The following CFH variants were observed in gnomAD, a reference collection of about 807,000 sequenced individuals.
CFH encodes the protein H factor 1 (complement).
A neutral mutation model predicts 147.3 loss-of-function variants in CFH; 53 were observed. The ratio of observed to expected loss-of-function variants is 0.36; its 90% CI spans 0.29 to 0.45. The LOEUF (loss-of-function observed/expected upper bound fraction) is 0.45, where lower values mean the gene tolerates loss of function less well. Ranked by LOEUF, CFH falls within the 20% of genes least tolerant of loss-of-function variation. The probability of loss-of-function intolerance (pLI) is 1.00; values close to 1 mark genes in which losing one functional copy is unlikely to be tolerated. For missense variants in CFH, 1,380 were observed against 1,498.0 expected (o/e 0.92, Z 1.30); for synonymous variants, 536 against 489.4 (o/e 1.10, Z -1.26).
intron 9 of CFH, among the ~76,000 whole-genome samples, chr1:196,712,418 A>G (rs1043426580): frequency 2.6e-5 from 4 of 151,406 alleles, no homozygotes; most frequent in Non-Finnish European, 5.9e-5. Flanking sequence ...TAGCTATATA[A>G]TGATAAATTT....
intron 6 of CFH, among the ~76,000 whole-genome samples, chr1:196,683,873 G>C (rs1201373803): frequency 6.6e-6 from 1 of 151,692 alleles, no homozygotes; most frequent in Non-Finnish European, 1.5e-5. Context: ...AGAAAAGAGA[G>C]GAGACTATGG....
At chr1:196,703,291 C>G (rs1032752377) in intron 9 of CFH, among the ~76,000 whole-genome samples, 1 of 152,148 alleles carries the variant, frequency 6.6e-6, no homozygotes, top group African/African-American at 2.4e-5. Context: ...CAGGTCCCAA[C>G]CAGTGTGCTT....
Position 196,728,610 on chromosome 1 carries a change from T to C in CFH, c.2413+88T>C, listed in dbSNP as rs552029607. On this transcript the variant is annotated intron_variant, in intron 15 of 21. Transcript: ENST00000367429. ...GTGTGTCTTTTAAAAACTTTAGCTA[T>C]TTATTATTACAAATGCTACTGAATA... The C allele has an allele frequency of 2.3e-6, 3 of 1,303,476 alleles. No homozygotes were observed. The African/African-American group carries it at 4.4e-5, about 19-fold the overall frequency. 80.7% of individuals were successfully genotyped at this position (1,303,476 alleles called of 1,614,324 possible). A position where few individuals can be genotyped will look rare whatever the true frequency, so the allele number is the denominator to read the frequency against.
At chr1:196,688,758 G>T (rs748554021) in intron 7 of CFH, among the ~76,000 whole-genome samples, 3 of 151,874 alleles carry the variant, frequency 2.0e-5, no homozygotes, top group Non-Finnish European at 4.4e-5. Flanking sequence ...TTACAGGGGC[G>T]CACCACCAGG....
chr1:196,692,347 T>A (rs1229864470), intron 9 of CFH: 5 of 752,308 alleles, frequency 6.6e-6, no homozygotes, highest in Non-Finnish European at 8.1e-6. Flanking sequence ...TGTCAGATGA[T>A]CCCATTACTT....
chr1:196,663,037 C>A (rs977365995), intron 1 of CFH, among the ~76,000 whole-genome samples: 2 of 152,080 alleles, frequency 1.3e-5, no homozygotes, highest in Admixed American at 6.5e-5. Flanking sequence ...TAAATCTAAC[C>A]ATTACTGCTT....
At chr1:196,664,345 AGCCACCATGGCTG>A (rs2149071824) in intron 1 of CFH, among the ~76,000 whole-genome samples, 1 of 152,294 alleles carries the variant, frequency 6.6e-6, no homozygotes, top group South Asian at 2.1e-4. Context: ...TACAGGTGTG[AGCCACCATGGCTG>A]GCCACCTGGT....
At chr1:196,657,262 T>C (rs954164873) in intron 1 of CFH, among the ~76,000 whole-genome samples, 1 of 152,222 alleles carries the variant, frequency 6.6e-6, no homozygotes, top group Non-Finnish European at 1.5e-5. Context: ...TATATGTTAC[T>C]TCTGAAATGA....
Position 196,746,009 on chromosome 1 carries a change from T to C in CFH, c.3493+10T>C. 6.2e-7 allele frequency: 1 copy of C among 1,614,112 alleles called. No homozygotes were observed. Among genetic ancestry groups the C allele is most frequent in the Non-Finnish European group, 8.5e-7 (1 of 1,179,988 alleles). ...CCACCAAAATGCTTACGTAAGTACT[T>C]TAATATTCACGTGGCTGGAAAAATC... is the stretch of plus-strand genomic sequence containing the variant. On this transcript the variant is annotated intron_variant, in intron 21 of 21. Transcript: ENST00000367429.
intron 17 of CFH, among the ~76,000 whole-genome samples, chr1:196,738,231 T>C (rs189973793): frequency 6.6e-6 from 1 of 152,300 alleles, no homozygotes; most frequent in East Asian, 1.9e-4. Context: ...TTCAAATTGT[T>C]ATTTGGTTGG....
intron 1 of CFH, among the ~76,000 whole-genome samples, chr1:196,655,953 T>G (rs2149066270): frequency 6.6e-6 from 1 of 152,338 alleles, no homozygotes; most frequent in Non-Finnish European, 1.5e-5. Context: ...TCTGACATTT[T>G]AACTTAGCCA....
chr1:196,689,374 TTA>T, intron 7 of CFH, 44 bp from the exon 8 acceptor site: 1 of 1,515,454 alleles, frequency 6.6e-7, no homozygotes, highest in East Asian at 2.5e-5. Flanking sequence ...TGAGTGTTTA[TTA>T]CAGTAAAATT....
chr1:196,686,830 A>G (rs1667845288), intron 7 of CFH, among the ~76,000 whole-genome samples: 1 of 152,132 alleles, frequency 6.6e-6, no homozygotes, highest in Non-Finnish European at 1.5e-5. Flanking sequence ...TCTCATGGAC[A>G]AGATAGAGGA....
intron 2 of CFH, 76 bp from the exon 3 acceptor site, chr1:196,673,781 A>G: frequency 1.1e-6 from 1 of 882,380 alleles, no homozygotes; most frequent in Non-Finnish European, 1.9e-6. Context: ...TATCAAATAT[A>G]CTTGTTCCCC....
At chr1:196,737,047 G>A in intron 16 of CFH, 41 bp downstream of exon 16, 2 of 1,520,754 alleles carry the variant, frequency 1.3e-6, no homozygotes, top group African/African-American at 1.4e-5. Context: ...TCTTTCAAAT[G>A]AGGTTAATAT....
intron 21 of CFH, 102 bp from the exon 22 acceptor site, chr1:196,747,009 A>G (rs1653033135): frequency 6.4e-7 from 1 of 1,561,962 alleles, no homozygotes; most frequent in Admixed American, 1.8e-5. Context: ...GTTTTGAGAA[A>G]TAATTCCTGA....
chr1:196,659,019 G>GC (rs1666813655), intron 1 of CFH, among the ~76,000 whole-genome samples: 1 of 152,068 alleles, frequency 6.6e-6, no homozygotes, highest in Non-Finnish European at 1.5e-5. Flanking sequence ...AGATATGATG[G>GC]CTTAGTCTAC....
chr1:196,739,745 C>T (rs1006055820), intron 17 of CFH, among the ~76,000 whole-genome samples: 15 of 152,290 alleles, frequency 9.8e-5, no homozygotes, highest in African/African-American at 3.6e-4. Flanking sequence ...TGGTTCTAAC[C>T]CCTGCCTGTT....
intron 11 of CFH, 139 bp from the exon 12 acceptor site, chr1:196,724,982 A>G (rs1230135654): frequency 7.5e-6 from 5 of 664,886 alleles, no homozygotes; most frequent in Non-Finnish European, 1.3e-5. Context: ...AATATGTAGC[A>G]TTCTTTACAG....
Sources: gnomAD v4.1 joint callset for allele counts (sites outside exome capture counted in the v4.1 genomes callset) on GRCh38, gnomAD v4.1.1 for gene constraint, MANE v1.5 for transcripts, NCBI Gene and HGNC (gene_info 2026-07-23, HGNC 2026-07-21) for gene names.